Variants in FOXP2 observed in about 807,000 individuals in gnomAD.
FOXP2 encodes forkhead box P2.
FOXP2 carries 12 observed loss-of-function variants against 115.8 expected under a neutral mutation model. The observed-to-expected ratio is 0.10, with a 90% confidence interval of 0.07 to 0.17. The LOEUF (loss-of-function observed/expected upper bound fraction) is 0.17, where lower values mean the gene tolerates loss of function less well. Among genes scored for constraint, FOXP2 ranks in the 10% least tolerant of loss-of-function variants. The pLI, the probability that FOXP2 is intolerant of heterozygous loss-of-function variation, is 1.00. For missense variants in FOXP2, 629 were observed against 843.5 expected (o/e 0.75, Z 3.15); for synonymous variants, 328 against 297.7 (o/e 1.10, Z -1.05).
At chr7:114,611,749 C>T (rs1178973962) in intron 3 of FOXP2, among the ~76,000 whole-genome samples, 2 of 152,076 alleles carry the variant, frequency 1.3e-5, no homozygotes, top group Non-Finnish European at 2.9e-5. Flanking sequence ...ACTGACAGCA[C>T]CTTGGTAGTA....
intron 2 of FOXP2, among the ~76,000 whole-genome samples, chr7:114,473,750 T>G (rs977120678): frequency 1.3e-5 from 2 of 152,190 alleles, no homozygotes; most frequent in Non-Finnish European, 2.9e-5. Flanking sequence ...CCCACAGTTC[T>G]GATACCATCT....
chr7:114,182,123 T>C (rs967481700), intron 1 of FOXP2, among the ~76,000 whole-genome samples: 2 of 152,118 alleles, frequency 1.3e-5, no homozygotes, highest in African/African-American at 4.8e-5. Flanking sequence ...TCTTAGTGTC[T>C]CTTGTAATAT....
At chr7:114,218,995 A>G (rs1284908303) in intron 1 of FOXP2, among the ~76,000 whole-genome samples, 3 of 152,162 alleles carry the variant, frequency 2.0e-5, no homozygotes, top group African/African-American at 7.2e-5. Flanking sequence ...CAAACCAGCT[A>G]CTATTTTAGC....
chr7:114,691,818 ATAGAGT>A lies in FOXP2; in HGVS notation c.*1898_*1903del, dbSNP rs980382053. 1.6e-4 allele frequency: 72 copies of A among 453,416 alleles called. No individual in the cohort carries two copies. The highest frequency in any genetic ancestry group is 2.6e-4 in the Non-Finnish European group (59 of 226,456). 28.1% of individuals were successfully genotyped at this position (453,416 alleles called of 1,614,324 possible). ...ATTGATTCTTTGCTGAAGTCAGCAA[ATAGAGT>A]TAGAGAGATACCCAGTCATCTATCA... is the stretch of plus-strand genomic sequence containing the variant. On this transcript the variant is annotated 3_prime_UTR_variant, in exon 17 of 17. Transcript: ENST00000350908.
At chr7:114,597,797 C>G (rs1802806552) in intron 3 of FOXP2, among the ~76,000 whole-genome samples, 1 of 152,074 alleles carries the variant, frequency 6.6e-6, no homozygotes, top group South Asian at 2.1e-4. Flanking sequence ...ACTTGTAGAG[C>G]TATTTCAACC....
In FOXP2 at chr7:114,644,693, A is replaced by T. The variant is rs372704196; in HGVS notation, c.998A>T (p.His333Leu). 2.5e-6 allele frequency: 4 copies of T among 1,613,630 alleles called. No homozygotes were observed. The Admixed American group carries it at 5.0e-5, about 20-fold the overall frequency. Residue 333 changes from histidine to leucine, a missense_variant, in exon 8 of 17, where the codon CAT becomes CTT. Coordinates refer to ENST00000350908, the MANE Select transcript of FOXP2 (RefSeq NM_014491.4). Reference sequence around the variant, plus strand: ...GTGTTCTTTTGCTACAGCTCGTCACATGAGGAGACTGGGGCCTCTCACACT... The same window carrying T: ...GTGTTCTTTTGCTACAGCTCGTCACTTGAGGAGACTGGGGCCTCTCACACT... Reference protein sequence around the residue: ...VLSARRDSSSHEETGASHTLY... With the variant: ...VLSARRDSSSLEETGASHTLY...
chr7:114,166,303 A>C (rs1792979216), intron 1 of FOXP2, among the ~76,000 whole-genome samples: 1 of 152,192 alleles, frequency 6.6e-6, no homozygotes, highest in Non-Finnish European at 1.5e-5. Flanking sequence ...AGCTTCTGTT[A>C]AGAGAATGAA....
At chr7:114,358,314 GATT>G (rs1457574589) in intron 2 of FOXP2, among the ~76,000 whole-genome samples, 2 of 152,072 alleles carry the variant, frequency 1.3e-5, no homozygotes, top group African/African-American at 4.8e-5. Context: ...TGTCTTTATA[GATT>G]ACCCAGTCTC....
chr7:114,397,221 A>G (rs1361382680), intron 2 of FOXP2, among the ~76,000 whole-genome samples: 2 of 152,176 alleles, frequency 1.3e-5, no homozygotes, highest in African/African-American at 2.4e-5. Context: ...TGAGATTTTT[A>G]TATATGAAAA....
At chr7:114,660,457 A>G (rs1366837813) in intron 13 of FOXP2, among the ~76,000 whole-genome samples, 1 of 152,190 alleles carries the variant, frequency 6.6e-6, no homozygotes, top group Non-Finnish European at 1.5e-5. Flanking sequence ...GCAGCAAAGC[A>G]CTCATCAGCA....
chr7:114,208,177 G>C (rs1212679619), intron 1 of FOXP2, among the ~76,000 whole-genome samples: 1 of 152,212 alleles, frequency 6.6e-6, no homozygotes, highest in Non-Finnish European at 1.5e-5. Context: ...AGCAACAGGG[G>C]AAGAGCTGTC....
intron 1 of FOXP2, among the ~76,000 whole-genome samples, chr7:114,194,707 A>C (rs575083717): frequency 6.6e-6 from 1 of 152,102 alleles, no homozygotes; most frequent in Non-Finnish European, 1.5e-5. Flanking sequence ...ATACATAGCA[A>C]ATTTAGTTGT....
chr7:114,310,793 C>T (rs1797130827), intron 2 of FOXP2, among the ~76,000 whole-genome samples: 1 of 152,004 alleles, frequency 6.6e-6, no homozygotes, highest in South Asian at 2.1e-4. Flanking sequence ...TTTCTTCTGA[C>T]ATTTAAGGGA....
intron 2 of FOXP2, among the ~76,000 whole-genome samples, chr7:114,345,438 C>G (rs1478821397): frequency 6.6e-6 from 1 of 151,798 alleles, no homozygotes; most frequent in African/African-American, 2.4e-5. Context: ...TAAGCTTAAA[C>G]TAAAACTTCT....
intron 2 of FOXP2, among the ~76,000 whole-genome samples, chr7:114,289,240 C>A (rs1047573023): frequency 6.6e-6 from 1 of 151,834 alleles, no homozygotes; most frequent in African/African-American, 2.4e-5. Context: ...AGCCCTTTGG[C>A]AACCTTTTAC....
chr7:114,090,286 C>A (rs1799516354), intron 1 of FOXP2, among the ~76,000 whole-genome samples: 1 of 151,812 alleles, frequency 6.6e-6, no homozygotes, highest in Admixed American at 6.6e-5. Flanking sequence ...GAAATAGTGT[C>A]AATTTTATTA....
At chr7:114,302,385 G>A (rs1051521102) in intron 2 of FOXP2, among the ~76,000 whole-genome samples, 1 of 152,090 alleles carries the variant, frequency 6.6e-6, no homozygotes, top group African/African-American at 2.4e-5. Flanking sequence ...CTATATGGAA[G>A]TTCCTAGTTG....
chr7:114,122,696 C>G (rs762194335), intron 1 of FOXP2, among the ~76,000 whole-genome samples: 1 of 151,968 alleles, frequency 6.6e-6, no homozygotes, highest in African/African-American at 2.4e-5. Context: ...AATGTTTACA[C>G]TGCATTTTAA....
chr7:114,176,275 T>TCTTA, intron 1 of FOXP2, among the ~76,000 whole-genome samples: 1 of 42,028 alleles, frequency 2.4e-5, no homozygotes, highest in African/African-American at 6.6e-5. Context: ...TTTCTTTCTT[T>TCTTA]CTTTCTTTCT....
Sources: gnomAD v4.1 joint callset for allele counts (sites outside exome capture counted in the v4.1 genomes callset) on GRCh38, gnomAD v4.1.1 for gene constraint, MANE v1.5 for transcripts, NCBI Gene and HGNC (gene_info 2026-07-23, HGNC 2026-07-21) for gene names.